Variants in SLC22A24 observed in about 807,000 individuals in gnomAD.
The protein encoded by SLC22A24 is steroid transmembrane transporter SLC22A24.
In SLC22A24, 53 loss-of-function variants were observed where a neutral mutation model predicts 49.8. That is an observed-to-expected ratio of 1.06 (90% CI 0.85 to 1.34). The LOEUF (loss-of-function observed/expected upper bound fraction) is 1.34, where lower values mean the gene tolerates loss of function less well. Ranked by LOEUF, SLC22A24 falls within the 40% of genes most tolerant of loss-of-function variation. The probability of loss-of-function intolerance (pLI) is 0.00; values close to 1 mark genes in which losing one functional copy is unlikely to be tolerated. For missense variants in SLC22A24, 786 were observed against 675.9 expected, an observed-to-expected ratio of 1.16 and a Z score of -1.81; for synonymous variants, 302 against 256.4, an observed-to-expected ratio of 1.18 and a Z score of -1.70.
chr11:63,114,782 CTGTT>C (rs2087199818), intron 4 of SLC22A24, among the ~76,000 whole-genome samples: 1 of 152,130 alleles, frequency 6.6e-6, no homozygotes, highest in African/African-American at 2.4e-5. Context: ...CTATTCCTTT[CTGTT>C]TGTTAGTTTT....
At chr11:63,121,899 C>G (rs934893362) in intron 2 of SLC22A24, among the ~76,000 whole-genome samples, 10 of 151,878 alleles carry the variant, frequency 6.6e-5, no homozygotes, top group Admixed American at 3.3e-4. Context: ...ATATCACACA[C>G]TTTTTTTAGC....
chr11:63,125,127 A>G (rs1325426853), intron 2 of SLC22A24, among the ~76,000 whole-genome samples: 11 of 152,012 alleles, frequency 7.2e-5, no homozygotes, highest in Non-Finnish European at 1.6e-4. Context: ...AAAAAAACAA[A>G]AAAACATTTC....
chr11:63,086,552 G>A (rs1021072692), intron 6 of SLC22A24, among the ~76,000 whole-genome samples: 1 of 152,066 alleles, frequency 6.6e-6, no homozygotes, highest in Non-Finnish European at 1.5e-5. Context: ...TGTGAAATGA[G>A]TTTACCTATA....
intron 2 of SLC22A24, among the ~76,000 whole-genome samples, chr11:63,132,528 A>G (rs2087344131): frequency 6.6e-6 from 1 of 152,156 alleles, no homozygotes; most frequent in African/African-American, 2.4e-5. Flanking sequence ...TTTTCATTCT[A>G]ACAGTCAGGT....
At chr11:63,092,996 A>G (rs555566986) in intron 6 of SLC22A24, among the ~76,000 whole-genome samples, 4 of 152,336 alleles carry the variant, frequency 2.6e-5, no homozygotes, top group South Asian at 4.1e-4. Flanking sequence ...CAAATTTACA[A>G]GAAAACAAAC....
chr11:63,130,595 G>T (rs556461379), intron 2 of SLC22A24, among the ~76,000 whole-genome samples: 2 of 152,152 alleles, frequency 1.3e-5, no homozygotes, highest in African/African-American at 4.8e-5. Flanking sequence ...CTGTGAATCT[G>T]TCTGGTCCTG....
intron 6 of SLC22A24, among the ~76,000 whole-genome samples, chr11:63,091,514 T>C (rs1181066298): frequency 6.6e-6 from 1 of 152,134 alleles, no homozygotes; most frequent in Non-Finnish European, 1.5e-5. Context: ...CTCAATAAAA[T>C]ACTGTCAAAC....
chr11:63,116,346 C>A (rs1056913286), intron 4 of SLC22A24: 6 of 199,434 alleles, frequency 3.0e-5, no homozygotes, highest in Non-Finnish European at 6.2e-5. Flanking sequence ...TATGTCTGCA[C>A]CTTAAGCCGC....
chr11:63,124,835 C>T (rs2087277241), intron 2 of SLC22A24, among the ~76,000 whole-genome samples: 1 of 151,904 alleles, frequency 6.6e-6, no homozygotes, highest in African/African-American at 2.4e-5. Context: ...TCATCATTCT[C>T]AGTAAACTAT....
chr11:63,113,681 C>A (rs1480980202), intron 4 of SLC22A24, among the ~76,000 whole-genome samples: 1 of 151,832 alleles, frequency 6.6e-6, no homozygotes, highest in African/African-American at 2.4e-5. Flanking sequence ...CAGTGAAACC[C>A]CATCTCTACT....
chr11:63,106,078 C>A (rs1370088977), intron 4 of SLC22A24, among the ~76,000 whole-genome samples: 3 of 124,064 alleles, frequency 2.4e-5, no homozygotes, highest in Non-Finnish European at 5.0e-5. Context: ...CTATCCCTCC[C>A]CCCTCCCCCC....
chr11:63,091,448 A>G (rs1228459089), intron 6 of SLC22A24, among the ~76,000 whole-genome samples: 3 of 152,186 alleles, frequency 2.0e-5, no homozygotes, highest in Admixed American at 2.0e-4. Flanking sequence ...CAGAGACACA[A>G]CAACAAAAAA....
chr11:63,109,171 T>C (rs1333150440), intron 4 of SLC22A24, among the ~76,000 whole-genome samples: 2 of 150,272 alleles, frequency 1.3e-5, no homozygotes, highest in East Asian at 2.0e-4. Flanking sequence ...ACAAAGGACA[T>C]GAACTCATCA....
At chr11:63,084,757 T>TA (rs2086978131) in intron 6 of SLC22A24, among the ~76,000 whole-genome samples, 1 of 152,114 alleles carries the variant, frequency 6.6e-6, no homozygotes, top group African/African-American at 2.4e-5. Flanking sequence ...ATAACACATT[T>TA]ACGTAGAGAA....
At chr11:63,102,413 T>C (rs755022728) in intron 5 of SLC22A24, among the ~76,000 whole-genome samples, 2 of 152,092 alleles carry the variant, frequency 1.3e-5, no homozygotes, top group South Asian at 2.1e-4. Flanking sequence ...GCCTCTAGGA[T>C]ACTCAGATGC....
chr11:63,121,770 T>C (rs2087254067), intron 2 of SLC22A24, among the ~76,000 whole-genome samples: 1 of 152,126 alleles, frequency 6.6e-6, no homozygotes, highest in African/African-American at 2.4e-5. Flanking sequence ...GTATATCTCC[T>C]AATGCTATCC....
intron 6 of SLC22A24, among the ~76,000 whole-genome samples, chr11:63,091,197 G>A (rs1407845760): frequency 6.6e-6 from 1 of 152,202 alleles, no homozygotes; most frequent in East Asian, 1.9e-4. Context: ...CTCCCAAGAT[G>A]AACTTAGGAA....
chr11:63,111,966 T>C (rs896166871), intron 4 of SLC22A24, among the ~76,000 whole-genome samples: 59 of 152,286 alleles, frequency 3.9e-4, no homozygotes, highest in African/African-American at 1.3e-3. Context: ...GGATCTTTCT[T>C]GCTTTCTCTT....
chr11:63,099,810 A>G (rs748180044), intron 5 of SLC22A24, among the ~76,000 whole-genome samples: 5 of 152,184 alleles, frequency 3.3e-5, no homozygotes, highest in Non-Finnish European at 1.5e-5. Context: ...TATGAACAGA[A>G]TAAAGGACAA....
Sources: gnomAD v4.1 joint callset for allele counts (sites outside exome capture counted in the v4.1 genomes callset) on GRCh38, gnomAD v4.1.1 for gene constraint, MANE v1.5 for transcripts, NCBI Gene and HGNC (gene_info 2026-07-23, HGNC 2026-07-21) for gene names.